TC2N: variants seen among roughly 807,000 people sequenced by gnomAD.
TC2N encodes the protein tandem C2 domains nuclear protein.
TC2N carries 51 observed loss-of-function variants against 61.9 expected under a neutral mutation model. That is an observed-to-expected ratio of 0.82 (90% CI 0.66 to 1.04). The LOEUF (loss-of-function observed/expected upper bound fraction) is 1.04. TC2N is among the 50% of genes least tolerant of loss of function. The pLI is 0.00. For synonymous variants in TC2N, 204 were observed against 192.6 expected, an observed-to-expected ratio of 1.06 and a Z score of -0.49; for missense variants, 556 against 566.7, an observed-to-expected ratio of 0.98 and a Z score of 0.19.
chr14:91,797,515 A>T (rs1295477160), intron 8 of TC2N, among the ~76,000 whole-genome samples: 1 of 151,964 alleles, frequency 6.6e-6, no homozygotes. Context: ...ATTTCCTTTC[A>T]CACAAGAAAA....
intron 1 of TC2N, among the ~76,000 whole-genome samples, chr14:91,864,724 G>C (rs1888660418): frequency 6.6e-6 from 1 of 150,768 alleles, no homozygotes; most frequent in South Asian, 2.1e-4. Flanking sequence ...CTAATAAACA[G>C]GTATCATAAT....
intron 1 of TC2N, among the ~76,000 whole-genome samples, chr14:91,853,662 ACACACACACACAC>A (rs1888421729): frequency 1.4e-5 from 2 of 146,482 alleles, no homozygotes; most frequent in South Asian, 2.1e-4. Flanking sequence ...ACACACACAC[ACACACACACACAC>A]ACACACACAC....
At position 91,826,984 on chromosome 14, in the gene TC2N, A is replaced by C. The variant is rs534047300; in HGVS notation, c.-56-13159T>G. ...CTCATGTTTTAGATATGTCTCTTAT[A>C]AATAGCATTTAGTTAAAGTGTTTTA... On this transcript the variant is annotated intron_variant, in intron 1 of 11. Transcript: ENST00000435962. Among the ~76,000 whole-genome samples, 6 of 152,296 alleles carry C rather than the reference A, an allele frequency of 3.9e-5. No individual in the cohort carries two copies. In the South Asian group the frequency reaches 1.2e-3, roughly 32 times the overall value.
chr14:91,817,141 A>G (rs1887041973), intron 1 of TC2N, among the ~76,000 whole-genome samples: 1 of 151,998 alleles, frequency 6.6e-6, no homozygotes, highest in Admixed American at 6.6e-5. Flanking sequence ...CCTACACAGA[A>G]CATAGTATAT....
intron 9 of TC2N, among the ~76,000 whole-genome samples, chr14:91,791,869 C>G (rs957361722): frequency 6.6e-6 from 1 of 152,138 alleles, no homozygotes; most frequent in Non-Finnish European, 1.5e-5. Context: ...GTAATCCCAG[C>G]ACTTTGGGAG....
chr14:91,859,572 T>C (rs1045054696), intron 1 of TC2N, among the ~76,000 whole-genome samples: 2 of 152,204 alleles, frequency 1.3e-5, no homozygotes, highest in Non-Finnish European at 2.9e-5. Flanking sequence ...AAGTCTACAT[T>C]ATGAACAACA....
At chr14:91,864,690 C>A (rs1345868402) in intron 1 of TC2N, among the ~76,000 whole-genome samples, 1 of 150,894 alleles carries the variant, frequency 6.6e-6, no homozygotes, top group African/African-American at 2.4e-5. Context: ...GGCCTTAAAT[C>A]AATGTTAATT....
chr14:91,821,578 A>C (rs1311893548), intron 1 of TC2N, among the ~76,000 whole-genome samples: 1 of 152,060 alleles, frequency 6.6e-6, no homozygotes, highest in African/African-American at 2.4e-5. Flanking sequence ...AATCTTTGTA[A>C]ACTTGGGTTA....
intron 1 of TC2N, among the ~76,000 whole-genome samples, chr14:91,849,326 A>G (rs139287995): frequency 1.3e-5 from 2 of 152,308 alleles, no homozygotes; most frequent in African/African-American, 4.8e-5. Flanking sequence ...TAGAAAAAAA[A>G]AACAGTCCTC....
chr14:91,786,540 AT>A (rs542738359), intron 10 of TC2N, among the ~76,000 whole-genome samples: 79 of 152,264 alleles, frequency 5.2e-4, no homozygotes, highest in African/African-American at 1.7e-3. Context: ...CTACCTTTTC[AT>A]GCTTATTCTT....
At chr14:91,857,831 G>A (rs1052861870) in intron 1 of TC2N, among the ~76,000 whole-genome samples, 9 of 152,204 alleles carry the variant, frequency 5.9e-5, no homozygotes, top group Non-Finnish European at 1.2e-4. Flanking sequence ...ACAGAGCCAT[G>A]CATTGAATTG....
chr14:91,798,202 C>T, intron 7 of TC2N, 97 bp downstream of exon 7: 1 of 633,684 alleles, frequency 1.6e-6, no homozygotes, highest in Non-Finnish European at 2.7e-6. Flanking sequence ...TCAAAGGTGG[C>T]ATTGGCCCAT....
rs1293250321 is a variant in TC2N, at chr14:91,812,489, A to G, written c.124T>C (p.Ser42Pro). ...AVPNSQNATI[S>P]VPPLTSVSVK... ...GAAACAGAAGTCAATGGAGGTACAGAGATAGTAGCATTTTGACTATTTGGG... is the reference window on the plus strand; with the variant it reads ...GAAACAGAAGTCAATGGAGGTACAGGGATAGTAGCATTTTGACTATTTGGG... The change falls in exon 3 of 12, where the codon TCT (serine) becomes CCT (proline). Residue 42 changes from serine (S) to proline (P), a missense_variant. Physicochemically the swap from Ser to Pro is moderately conservative, Grantham distance 74. Transcript: ENST00000435962. 1.9e-6 allele frequency: 3 copies of G among 1,610,164 alleles called. No homozygotes were observed. In the Admixed American group the frequency reaches 5.0e-5, roughly 27 times the overall value.
intron 3 of TC2N, among the ~76,000 whole-genome samples, chr14:91,811,093 C>T (rs562823000): frequency 2.6e-5 from 4 of 152,214 alleles, no homozygotes; most frequent in African/African-American, 4.8e-5. Context: ...CAAATACTCA[C>T]TTGGGCAGCT....
intron 1 of TC2N, among the ~76,000 whole-genome samples, chr14:91,833,964 T>TATATATA (rs1887897849): frequency 1.3e-5 from 2 of 152,178 alleles, no homozygotes; most frequent in Admixed American, 6.5e-5. Context: ...GAAGTGAAAC[T>TATATATA]CATTATACAG....
intron 1 of TC2N, among the ~76,000 whole-genome samples, chr14:91,852,622 G>A (rs1175708046): frequency 1.3e-5 from 2 of 152,194 alleles, no homozygotes; most frequent in Non-Finnish European, 1.5e-5. Flanking sequence ...TACCTTAATA[G>A]ATGTAATATA....
At chr14:91,833,675 T>A (rs927176876) in intron 1 of TC2N, among the ~76,000 whole-genome samples, 1 of 152,166 alleles carries the variant, frequency 6.6e-6, no homozygotes, top group Admixed American at 6.5e-5. Context: ...CACATTAGTT[T>A]GCATTTTCTA....
chr14:91,814,488 G>A (rs936399000), intron 1 of TC2N, among the ~76,000 whole-genome samples: 2 of 151,082 alleles, frequency 1.3e-5, no homozygotes, highest in African/African-American at 4.8e-5. Flanking sequence ...AGCGGAGAGA[G>A]AGGGAAGGAG....
rs945332006 is a variant in TC2N, at chr14:91,837,437, C to T, written c.-56-23612G>A. ...GTCTTATTATATGGCCCAGGCTAGT[C>T]TTGAACTCCTGGACTCACGTGATCC... is the stretch of plus-strand genomic sequence containing the variant. On this transcript the variant is annotated intron_variant, in intron 1 of 11. Coordinates refer to ENST00000435962, the MANE Select transcript of TC2N (RefSeq NM_001128596.3). The surrounding 1 kb of genome is among the most constrained non-coding windows in gnomAD (Gnocchi z 4.2). Among the ~76,000 whole-genome samples the T allele has an allele frequency of 6.6e-6, 1 of 152,190 alleles. No homozygotes were observed. Among genetic ancestry groups the T allele is most frequent in the Non-Finnish European group, 1.5e-5 (1 of 68,028 alleles).
Sources: gnomAD v4.1 joint callset for allele counts (sites outside exome capture counted in the v4.1 genomes callset) on GRCh38, gnomAD v4.1.1 for gene constraint, Gnocchi (gnomAD v3.1) non-coding constraint, MANE v1.5 for transcripts, NCBI Gene and HGNC (gene_info 2026-07-23, HGNC 2026-07-21) for gene names.